Variants in DNAH14 observed in about 807,000 individuals in gnomAD.
DNAH14 encodes the protein axonemal beta dynein heavy chain 14.
DNAH14 carries 478 observed loss-of-function variants against 520.9 expected under a neutral mutation model. The ratio of observed to expected loss-of-function variants is 0.92; its 90% CI spans 0.85 to 0.99. The LOEUF is 0.99. Ranked by LOEUF, DNAH14 falls within the 50% of genes least tolerant of loss-of-function variation. The pLI, the probability that DNAH14 is intolerant of heterozygous loss-of-function variation, is 0.00. For synonymous variants in DNAH14, 1,581 were observed against 1,757.2 expected, an observed-to-expected ratio of 0.90 and a Z score of 2.51; for missense variants, 4,831 against 5,234.5, an observed-to-expected ratio of 0.92 and a Z score of 2.38.
In DNAH14 at chr1:225,353,846, T is replaced by C. The variant is rs2095399923; in HGVS notation, c.11577T>C (p.Asn3859=). The change falls in exon 73 of 86, where the codon AAT becomes AAC. Residue 3859 remains asparagine (N), a synonymous_variant. Coordinates refer to ENST00000682510, the MANE Select transcript of DNAH14 (RefSeq NM_001367479.1). ...NENKETCNPI[N]FPWEKLTSFQ... ...ATAAAGAAACGTGTAATCCTATAAA[T>C]TTTCCCTGGGAGAAACTCACTTCAT... The C allele has an allele frequency of 6.6e-7, 1 of 1,520,788 alleles. No individual in the cohort carries two copies. The highest frequency in any genetic ancestry group is 8.9e-7 in the Non-Finnish European group (1 of 1,124,074). The allele number at this position is 1,520,788 out of a possible 1,614,324, so 94.2% of individuals were successfully genotyped here. A position where few individuals can be genotyped will look rare whatever the true frequency, so the allele number is the denominator to read the frequency against.
intron 27 of DNAH14, among the ~76,000 whole-genome samples, chr1:225,130,842 TAAAAA>T (rs1233698744): frequency 6.8e-6 from 1 of 146,188 alleles, no homozygotes; most frequent in African/African-American, 2.5e-5. Context: ...TAAAATAAAA[TAAAAA>T]AAGGAAAAAA....
chr1:225,208,671 T>C (rs2087925301), intron 41 of DNAH14, among the ~76,000 whole-genome samples: 1 of 152,130 alleles, frequency 6.6e-6, no homozygotes, highest in South Asian at 2.1e-4. Flanking sequence ...AGACCTAAGA[T>C]TGAATAGGAT....
rs2093830900 is a variant in DNAH14, at chr1:225,290,048, C to T, written c.8435C>T (p.Thr2812Ile). 7.9e-6 allele frequency: 12 copies of T among 1,513,820 alleles called. No individual in the cohort carries two copies. Among genetic ancestry groups the T allele is most frequent in the Non-Finnish European group, 1.1e-5 (12 of 1,127,616 alleles). The allele number at this position is 1,513,820 out of a possible 1,614,324, so 93.8% of individuals were successfully genotyped here. Residue 2812 changes from threonine to isoleucine, a missense_variant, in exon 55 of 86, where the codon ACT becomes ATT. Coordinates refer to ENST00000682510, the MANE Select transcript of DNAH14 (RefSeq NM_001367479.1). ...CACGCAGGATTAAAAGGGAAACCCA[C>T]TGTTCTGATGGTTCCCAATTTAAAC... ...FIHAGLKGKP[T>I]VLMVPNLNIE...
In DNAH14 at chr1:224,960,276, C is replaced by T. The variant is rs199833408; in HGVS notation, c.341C>T (p.Ala114Val). The T allele has an allele frequency of 1.3e-4, 213 of 1,608,744 alleles. No individual in the cohort carries two copies. Among genetic ancestry groups the T allele is most frequent in the Non-Finnish European group, 1.7e-4 (196 of 1,177,748 alleles). Residue 114 changes from alanine to valine, a missense_variant, in exon 4 of 86, where the codon GCC becomes GTC. Ala to Val is a moderately conservative substitution (Grantham distance 64). Coordinates refer to ENST00000682510, the MANE Select transcript of DNAH14 (RefSeq NM_001367479.1). Reference sequence around the variant, plus strand: ...CATGCTTGTCCAAATGTTAGGAAAGCCAGGCCTGTGTCCTATGATAGAACA... The same window carrying T: ...CATGCTTGTCCAAATGTTAGGAAAGTCAGGCCTGTGTCCTATGATAGAACA... ...QTHACPNVRK[A>V]RPVSYDRTEP... is the part of the protein sequence containing the mutation.
chr1:225,324,207 C>T lies in DNAH14; in HGVS notation c.9496-15C>T. 1.3e-6 allele frequency: 2 copies of T among 1,551,336 alleles called. No individual in the cohort carries two copies. Among genetic ancestry groups the T allele is most frequent in the African/African-American group, 1.4e-5 (1 of 73,164 alleles). ...ATTTCTTTCTCATGTAATACATTAA[C>T]TGTGTTCTCTCTAGGTTTTCGTGAA... On this transcript the variant is annotated splice_polypyrimidine_tract_variant and intron_variant, in intron 62 of 85. Coordinates refer to ENST00000682510, the MANE Select transcript of DNAH14 (RefSeq NM_001367479.1).
intron 1 of DNAH14, among the ~76,000 whole-genome samples, chr1:224,951,646 T>A (rs2060181169): frequency 9.2e-6 from 1 of 109,184 alleles, no homozygotes; most frequent in Non-Finnish European, 1.9e-5. Flanking sequence ...ATTTCTGGAT[T>A]TTTTTTTTTT....
At chr1:225,332,025 A>G (rs1020318704) in intron 65 of DNAH14, among the ~76,000 whole-genome samples, 18 of 151,974 alleles carry the variant, frequency 1.2e-4, no homozygotes, top group Non-Finnish European at 2.9e-5. Context: ...AAGAATGGCT[A>G]CTCCATAGGC....
rs765149147 is a variant in DNAH14 at position 225,051,465 on chromosome 1, G to C, written c.2094G>C (p.Leu698=). 6.7e-6 allele frequency: 10 copies of C among 1,493,094 alleles called. No homozygotes were observed. In the South Asian group the frequency reaches 1.1e-4, roughly 16 times the overall value. 92.5% of individuals were successfully genotyped at this position (1,493,094 alleles called of 1,614,324 possible). A position where few individuals can be genotyped will look rare whatever the true frequency, so the allele number is the denominator to read the frequency against. The change falls in exon 17 of 86, where the codon CTG becomes CTC. Residue 698 remains leucine (L), a synonymous_variant. Coordinates refer to ENST00000682510, the MANE Select transcript of DNAH14 (RefSeq NM_001367479.1). Reference sequence around the variant, plus strand: ...CTTCTTTACAGATTGTGAATCTCCTGACTATTATTGGTAATTCAATGGGCC... The same window carrying C: ...CTTCTTTACAGATTGTGAATCTCCTCACTATTATTGGTAATTCAATGGGCC... ...PAYQNIIVNL[L]TIIGNSMGLV...
chr1:225,101,548 C>CT (rs1445299613), intron 23 of DNAH14, among the ~76,000 whole-genome samples: 3 of 152,120 alleles, frequency 2.0e-5, no homozygotes, highest in Non-Finnish European at 2.9e-5. Context: ...CTTCTACTGT[C>CT]TATCTCCATG....
chr1:225,004,515 T>A (rs1316444841), intron 9 of DNAH14, among the ~76,000 whole-genome samples: 3 of 152,124 alleles, frequency 2.0e-5, no homozygotes, highest in Non-Finnish European at 4.4e-5. Flanking sequence ...CAATATATAT[T>A]TGATTTGAAA....
chr1:225,327,986 A>C (rs2094714154), intron 64 of DNAH14, among the ~76,000 whole-genome samples: 1 of 152,204 alleles, frequency 6.6e-6, no homozygotes, highest in Non-Finnish European at 1.5e-5. Context: ...AAAAATATTC[A>C]GATTTTGGGA....
intron 23 of DNAH14, among the ~76,000 whole-genome samples, chr1:225,103,354 C>G (rs949394060): frequency 5.3e-5 from 8 of 152,126 alleles, no homozygotes; most frequent in Admixed American, 4.6e-4. Context: ...TTTGGCTTAG[C>G]ATTGACTTGA....
At chr1:225,023,989 T>A in intron 11 of DNAH14, 124 bp downstream of exon 11, 1 of 1,410,352 alleles carries the variant, frequency 7.1e-7, no homozygotes, top group East Asian at 2.5e-5. Context: ...GCAGAGTACA[T>A]GTACTCATTT....
At chr1:225,211,121 C>A (rs903339034) in intron 41 of DNAH14, among the ~76,000 whole-genome samples, 1 of 152,166 alleles carries the variant, frequency 6.6e-6, no homozygotes, top group African/African-American at 2.4e-5. Flanking sequence ...CAATTCCTCG[C>A]CAGGAAGGCA....
intron 11 of DNAH14, among the ~76,000 whole-genome samples, chr1:225,027,934 C>T (rs2066252117): frequency 6.6e-6 from 1 of 151,908 alleles, no homozygotes; most frequent in East Asian, 1.9e-4. Flanking sequence ...TATTACATTA[C>T]ATACATACAT....
Position 224,944,757 on chromosome 1 carries a change from AGT to A in DNAH14, c.-33-7912_-33-7911del, listed in dbSNP as rs1266652853. Among the ~76,000 whole-genome samples the A allele has an allele frequency of 2.0e-5, 3 of 152,186 alleles. No individual in the cohort carries two copies. In the East Asian group the frequency reaches 5.8e-4, roughly 29 times the overall value. Reference sequence around the variant, plus strand: ...TATTTCTCCTTCACTTCTGAGGCTTAGTTTGGCTGGATATGAAATTCTGGGTT... The same window carrying A: ...TATTTCTCCTTCACTTCTGAGGCTTATTGGCTGGATATGAAATTCTGGGTT... On this transcript the variant is annotated intron_variant, in intron 1 of 85. Coordinates refer to ENST00000682510, the MANE Select transcript of DNAH14 (RefSeq NM_001367479.1).
At chr1:225,316,610 T>A (rs2094471514) in intron 60 of DNAH14, among the ~76,000 whole-genome samples, 1 of 152,172 alleles carries the variant, frequency 6.6e-6, no homozygotes, top group Non-Finnish European at 1.5e-5. Context: ...TGGAGGGAGT[T>A]CCCTGACCCC....
intron 7 of DNAH14, chr1:224,969,672 A>G (rs764410293): frequency 7.2e-5 from 20 of 279,396 alleles, no homozygotes; most frequent in South Asian, 4.2e-4. Flanking sequence ...GGCCGAAGCC[A>G]TGGCAGAAGA....
intron 8 of DNAH14, among the ~76,000 whole-genome samples, chr1:224,989,584 G>A (rs1355660927): frequency 1.3e-5 from 2 of 151,992 alleles, no homozygotes; most frequent in Non-Finnish European, 2.9e-5. Context: ...TATAATGGAT[G>A]GAATTTCCAG....
Sources: gnomAD v4.1 joint callset for allele counts (sites outside exome capture counted in the v4.1 genomes callset) on GRCh38, gnomAD v4.1.1 for gene constraint, MANE v1.5 for transcripts, NCBI Gene and HGNC (gene_info 2026-07-23, HGNC 2026-07-21) for gene names.